BARD1: variants seen among roughly 807,000 people sequenced by gnomAD.
BARD1 encodes the protein BRCA1 associated RING domain 1, also known as BRCA1-associated RING domain protein 1.
Under a neutral mutation model 77.0 loss-of-function variants are expected in BARD1, and 73 were observed. The observed-to-expected ratio is 0.95, with a 90% confidence interval of 0.79 to 1.15. The LOEUF (loss-of-function observed/expected upper bound fraction) is 1.15. Among genes scored for constraint, BARD1 ranks in the 50% most tolerant of loss-of-function variants. BARD1 has a pLI of 0.00. For synonymous variants in BARD1, 384 were observed against 338.0 expected, an observed-to-expected ratio of 1.14 and a Z score of -1.49; for missense variants, 993 against 938.8, an observed-to-expected ratio of 1.06 and a Z score of -0.75.
In BARD1 at chr2:214,786,035, C is replaced by T. The variant is rs548002125; in HGVS notation, c.365-4526G>A. Among the ~76,000 whole-genome samples the T allele has an allele frequency of 2.6e-3, 388 of 152,064 alleles. 1 individual carries two copies. The highest frequency in any genetic ancestry group is 4.1e-3 in the Non-Finnish European group (281 of 67,944). On this transcript the variant is annotated intron_variant, in intron 3 of 10. Coordinates refer to ENST00000260947, the MANE Select transcript of BARD1 (RefSeq NM_000465.4). ...GAAAAGAACTCTGCATAAAACTTTA[C>T]CTACATTACAGAACCAAAGAAAACT...
chr2:214,730,492 T>C lies in BARD1; in HGVS notation c.1920A>G (p.Leu640=), dbSNP rs780901872. The part of the protein sequence containing the change: ...ILKFEWVKAC[L]RRKVCEQEEK... ...CTTCCTGTTCACATACTTTTCTTCG[T>C]AGACATGCTTTTACCCCTGACAAAA... The change falls in exon 10 of 11, where the codon CTA becomes CTG. Residue 640 remains leucine, a synonymous_variant. Transcript: ENST00000260947. 9.9e-6 allele frequency: 16 copies of C among 1,613,958 alleles called. No individual in the cohort carries two copies. Among genetic ancestry groups the C allele is most frequent in the Non-Finnish European group, 1.4e-5 (16 of 1,179,952 alleles).
chr2:214,738,132 T>C (rs1218398645), intron 9 of BARD1, among the ~76,000 whole-genome samples: 2 of 152,298 alleles, frequency 1.3e-5, no homozygotes, highest in East Asian at 3.9e-4. Context: ...CTTTATTTCA[T>C]CTTTGTTACT....
intron 6 of BARD1, among the ~76,000 whole-genome samples, chr2:214,763,818 GAATCC>G (rs1456964976): frequency 6.6e-6 from 1 of 152,136 alleles, no homozygotes; most frequent in East Asian, 1.9e-4. Context: ...AGAGTAGTAA[GAATCC>G]CATAGTCTCC....
intron 10 of BARD1, among the ~76,000 whole-genome samples, chr2:214,729,585 G>A (rs568960368): frequency 5.9e-5 from 9 of 152,038 alleles, no homozygotes; most frequent in East Asian, 1.9e-4. Flanking sequence ...TCACCATCTC[G>A]GTTCCTTTTC....
At chr2:214,764,616 A>C (rs1559406682) in intron 6 of BARD1, among the ~76,000 whole-genome samples, 1 of 152,200 alleles carries the variant, frequency 6.6e-6, no homozygotes, top group South Asian at 2.1e-4. Context: ...CAGACCATCC[A>C]GGGTCTTATA....
intron 10 of BARD1, 88 bp from the exon 11 acceptor site, chr2:214,729,096 A>G (rs1286790537): frequency 7.3e-7 from 1 of 1,369,934 alleles, no homozygotes; most frequent in African/African-American, 1.4e-5. Flanking sequence ...TAAAAATACA[A>G]GTTGAATATC....
chr2:214,737,618 T>C (rs1328430113), intron 9 of BARD1, among the ~76,000 whole-genome samples: 1 of 152,118 alleles, frequency 6.6e-6, no homozygotes, highest in Non-Finnish European at 1.5e-5. Context: ...ATCAATTGAG[T>C]TGATTTACTG....
intron 2 of BARD1, among the ~76,000 whole-genome samples, chr2:214,796,088 A>G (rs1695742696): frequency 6.6e-6 from 1 of 152,206 alleles, no homozygotes; most frequent in Non-Finnish European, 1.5e-5. Context: ...TAACATACTC[A>G]TAACTGGAAA....
rs1695593984 is a variant in BARD1 at position 214,792,851 on chromosome 2, A to G, written c.216-406T>C. 2.6e-5 allele frequency among the ~76,000 whole-genome samples: 4 copies of G among 152,266 alleles called. No individual in the cohort carries two copies. In the South Asian group the frequency reaches 8.3e-4, roughly 32 times the overall value. On this transcript the variant is annotated intron_variant, in intron 2 of 10. Transcript: ENST00000260947. ...GAAAGACCTTCTGTTTTGTTTTGGG[A>G]CTAGTATCTCAAGGCTTTAAAGTAG...
At chr2:214,791,300 A>AT (rs1695500815) in intron 3 of BARD1, among the ~76,000 whole-genome samples, 1 of 152,184 alleles carries the variant, frequency 6.6e-6, no homozygotes, top group South Asian at 2.1e-4. Context: ...TGCCACATTT[A>AT]TTTATTTTGT....
intron 3 of BARD1, among the ~76,000 whole-genome samples, chr2:214,785,164 A>G (rs1402237518): frequency 6.6e-6 from 1 of 152,012 alleles, no homozygotes; most frequent in African/African-American, 2.4e-5. Flanking sequence ...TCACAAGTAT[A>G]TTCATAAATA....
At chr2:214,752,607 T>C in intron 6 of BARD1, 52 bp from the exon 7 acceptor site, 1 of 1,296,838 alleles carries the variant, frequency 7.7e-7, no homozygotes, top group Non-Finnish European at 1.1e-6. Flanking sequence ...GTGACTCGAC[T>C]CAATTTTTCA....
chr2:214,738,063 T>A (rs1181592648), intron 9 of BARD1, among the ~76,000 whole-genome samples: 1 of 152,184 alleles, frequency 6.6e-6, no homozygotes, highest in Non-Finnish European at 1.5e-5. Flanking sequence ...AACTTTTGCA[T>A]ATGCCAGAAT....
chr2:214,797,578 T>C (rs928690061), intron 1 of BARD1, among the ~76,000 whole-genome samples: 2 of 152,094 alleles, frequency 1.3e-5, no homozygotes, highest in Non-Finnish European at 2.9e-5. Context: ...GGAGTGATAA[T>C]TGAATAGGAT....
At chr2:214,756,953 C>T (rs193109033) in intron 6 of BARD1, among the ~76,000 whole-genome samples, 143 of 152,140 alleles carry the variant, frequency 9.4e-4, no homozygotes, top group African/African-American at 3.3e-3. Flanking sequence ...AACCAAATAC[C>T]ACTTGTTCCC....
Position 214,728,501 on chromosome 2 carries a change from G to T in BARD1, c.*175C>A. On this transcript the variant is annotated 3_prime_UTR_variant, in exon 11 of 11. Transcript: ENST00000260947. Reference sequence around the variant, plus strand: ...TTAAAAGCAATCCCAGCTTCTAAATGGTAAACATAACATGAATTCCTAATC... The same window carrying T: ...TTAAAAGCAATCCCAGCTTCTAAATTGTAAACATAACATGAATTCCTAATC... The T allele has an allele frequency of 1.5e-6, 1 of 667,790 alleles. No individual in the cohort carries two copies. The highest frequency in any genetic ancestry group is 2.5e-6 in the Non-Finnish European group (1 of 404,480). 41.4% of individuals were successfully genotyped at this position (667,790 alleles called of 1,614,324 possible). A position where few individuals can be genotyped will look rare whatever the true frequency, so the allele number is the denominator to read the frequency against.
At chr2:214,786,871 T>C (rs908019449) in intron 3 of BARD1, among the ~76,000 whole-genome samples, 6 of 151,926 alleles carry the variant, frequency 3.9e-5, no homozygotes, top group African/African-American at 1.2e-4. Context: ...TCCATTCACA[T>C]AGAGACTTTA....
chr2:214,729,186 G>A (rs1395786281), intron 10 of BARD1, among the ~76,000 whole-genome samples, 178 bp from the exon 11 acceptor site: 1 of 152,186 alleles, frequency 6.6e-6, no homozygotes, highest in Non-Finnish European at 1.5e-5. Flanking sequence ...TATACATGAG[G>A]TATCTTAAGG....
intron 1 of BARD1, among the ~76,000 whole-genome samples, chr2:214,799,920 A>C (rs1383609398): frequency 6.6e-6 from 1 of 152,052 alleles, no homozygotes; most frequent in Non-Finnish European, 1.5e-5. Context: ...AACAGCACTG[A>C]CCTCATCTTC....
Sources: gnomAD v4.1 joint callset for allele counts (sites outside exome capture counted in the v4.1 genomes callset) on GRCh38, gnomAD v4.1.1 for gene constraint, MANE v1.5 for transcripts, NCBI Gene and HGNC (gene_info 2026-07-23, HGNC 2026-07-21) for gene names.